Variants in FYB1 observed in about 807,000 individuals in gnomAD.
FYB1 encodes the protein FYN-binding protein 1.
In FYB1, 41 loss-of-function variants were observed where a neutral mutation model predicts 94.1. The observed-to-expected ratio is 0.44, with a 90% CI of 0.34 to 0.57. The LOEUF is 0.57. Ranked by LOEUF, FYB1 falls within the 20% of genes least tolerant of loss-of-function variation. The probability of loss-of-function intolerance (pLI) is 0.02; values close to 1 mark genes in which losing one functional copy is unlikely to be tolerated. For missense variants in FYB1, 1,050 were observed against 976.8 expected (o/e 1.07, Z -1.00); for synonymous variants, 367 against 353.2 (o/e 1.04, Z -0.44).
At chr5:39,220,511 G>T (rs1304211129), upstream of FYB1, among the ~76,000 whole-genome samples, 2 of 151,506 alleles carry the variant, frequency 1.3e-5, no homozygotes, top group East Asian at 3.9e-4. Context: ...GAAAAGAAAA[G>T]ACAAGAAAAG....
chr5:39,178,322 G>T (rs1009973861), intron 2 of FYB1, among the ~76,000 whole-genome samples: 2 of 152,144 alleles, frequency 1.3e-5, no homozygotes, highest in African/African-American at 4.8e-5. Flanking sequence ...CCTGCAGAAG[G>T]CTTAGTAGAT....
chr5:39,267,145 T>C (rs1431591452), intron 1 of FYB1, among the ~76,000 whole-genome samples: 3 of 152,172 alleles, frequency 2.0e-5, no homozygotes, highest in African/African-American at 7.2e-5. Flanking sequence ...TTAGAGGAAT[T>C]TAATGAGATA....
chr5:39,217,525 G>T (rs1391768756), intron 1 of FYB1, among the ~76,000 whole-genome samples: 1 of 152,160 alleles, frequency 6.6e-6, no homozygotes, highest in African/African-American at 2.4e-5. Flanking sequence ...TGGGCCAGGT[G>T]CTGTGCTAGG....
At chr5:39,187,699 T>C (rs1312921910) in intron 2 of FYB1, among the ~76,000 whole-genome samples, 1 of 152,200 alleles carries the variant, frequency 6.6e-6, no homozygotes, top group African/African-American at 2.4e-5. Context: ...GGCAGGACTG[T>C]GGGCTCCATC....
At chr5:39,190,098 A>G (rs566098405) in intron 2 of FYB1, among the ~76,000 whole-genome samples, 13 of 152,268 alleles carry the variant, frequency 8.5e-5, no homozygotes, top group African/African-American at 2.6e-4. Context: ...TATTTCCTAC[A>G]TTGGCTTTTC....
chr5:39,149,545 T>C (rs1486450152), intron 3 of FYB1, among the ~76,000 whole-genome samples: 1 of 152,224 alleles, frequency 6.6e-6, no homozygotes, highest in Non-Finnish European at 1.5e-5. Context: ...TCAGTTACTG[T>C]CCCATTTCTT....
intron 9 of FYB1, among the ~76,000 whole-genome samples, chr5:39,132,452 A>G (rs2150312781): frequency 6.6e-6 from 1 of 152,354 alleles, no homozygotes; most frequent in Middle Eastern, 3.4e-3. Flanking sequence ...AGATGCTAGT[A>G]AATATTGTGG....
intron 1 of FYB1, among the ~76,000 whole-genome samples, chr5:39,227,772 A>G (rs993233409): frequency 3.3e-5 from 5 of 152,212 alleles, no homozygotes; most frequent in Non-Finnish European, 5.9e-5. Context: ...TTTGCAATCC[A>G]TGGAAGAAAA....
At chr5:39,157,015 T>A (rs900289626) in intron 2 of FYB1, among the ~76,000 whole-genome samples, 11 of 152,196 alleles carry the variant, frequency 7.2e-5, no homozygotes, top group Admixed American at 7.2e-4. Flanking sequence ...GCACCATACT[T>A]GGCATTCTAC....
At chr5:39,266,811 G>A (rs1413903950) in intron 1 of FYB1, among the ~76,000 whole-genome samples, 1 of 152,182 alleles carries the variant, frequency 6.6e-6, no homozygotes, top group Non-Finnish European at 1.5e-5. Flanking sequence ...AAAACTCATA[G>A]TGACCATAGC....
chr5:39,234,068 C>T (rs535624264), intron 1 of FYB1, among the ~76,000 whole-genome samples: 12 of 152,130 alleles, frequency 7.9e-5, no homozygotes, highest in African/African-American at 1.4e-4. Context: ...TGACTGTGAA[C>T]GCCACATGCA....
chr5:39,220,009 G>A (rs367901507), upstream of FYB1, among the ~76,000 whole-genome samples: 7 of 152,272 alleles, frequency 4.6e-5, no homozygotes, highest in East Asian at 1.9e-4. Flanking sequence ...CTGAAGAGTG[G>A]TCACTCATGT....
At chr5:39,259,171 C>G (rs551337847) in intron 1 of FYB1, among the ~76,000 whole-genome samples, 1 of 152,206 alleles carries the variant, frequency 6.6e-6, no homozygotes, top group African/African-American at 2.4e-5. Flanking sequence ...TTGGTAGAGA[C>G]CAGAGATGCT....
At chr5:39,187,197 C>T (rs62358732) in intron 2 of FYB1, among the ~76,000 whole-genome samples, 39 of 151,970 alleles carry the variant, frequency 2.6e-4, no homozygotes, top group Middle Eastern at 3.4e-3. Flanking sequence ...TACTGTGACA[C>T]GCTTGAAAAA....
Position 39,130,627 on chromosome 5 carries a change from C to T in FYB1, c.1818-15G>A, listed in dbSNP as rs1315271768. The T allele has an allele frequency of 6.4e-7, 1 of 1,564,016 alleles. No individual in the cohort carries two copies. On this transcript the variant is annotated splice_polypyrimidine_tract_variant and intron_variant, in intron 9 of 18. Transcript: ENST00000512982. Reference sequence around the variant, plus strand: ...TCTGACTGTGGCTAGAAAAGAAACCCAGAAATATTAAGTTAATCTATGAAT... The same window carrying T: ...TCTGACTGTGGCTAGAAAAGAAACCTAGAAATATTAAGTTAATCTATGAAT...
intron 2 of FYB1, among the ~76,000 whole-genome samples, chr5:39,164,515 C>G (rs891419992): frequency 2.6e-5 from 4 of 152,100 alleles, no homozygotes; most frequent in African/African-American, 9.7e-5. Flanking sequence ...ACATCCACTT[C>G]CCAGGTTCAA....
chr5:39,232,099 C>T (rs911285893), intron 1 of FYB1, among the ~76,000 whole-genome samples: 5 of 152,066 alleles, frequency 3.3e-5, no homozygotes, highest in Non-Finnish European at 5.9e-5. Flanking sequence ...TGAACTTTCT[C>T]TGAACCAAAG....
intron 13 of FYB1, among the ~76,000 whole-genome samples, chr5:39,123,432 G>A (rs1365832869): frequency 6.6e-6 from 1 of 152,082 alleles, no homozygotes. Context: ...ATTTTTTACA[G>A]AATTGATTAC....
At chr5:39,137,306 T>G in intron 7 of FYB1, 1 of 264,960 alleles carries the variant, frequency 3.8e-6, no homozygotes, top group Non-Finnish European at 7.2e-6. Flanking sequence ...TGAAATGCAT[T>G]ATGGGGAGAG....
Sources: gnomAD v4.1 joint callset for allele counts (sites outside exome capture counted in the v4.1 genomes callset) on GRCh38, gnomAD v4.1.1 for gene constraint, MANE v1.5 for transcripts, NCBI Gene and HGNC (gene_info 2026-07-23, HGNC 2026-07-21) for gene names.